Variants in SYN3 observed in about 807,000 individuals in gnomAD.
SYN3 encodes the protein synapsin-3.
In SYN3, 35 loss-of-function variants were observed where a neutral mutation model predicts 65.8. That is an observed-to-expected ratio of 0.53 (90% CI 0.41 to 0.70). The LOEUF is 0.70. Ranked by LOEUF, SYN3 falls within the 30% of genes least tolerant of loss-of-function variation. SYN3 has a pLI of 0.00. For synonymous variants in SYN3, 270 were observed against 292.9 expected (o/e 0.92, Z 0.80); for missense variants, 680 against 749.0 (o/e 0.91, Z 1.08).
At chr22:32,839,212 C>T (rs766833892) in intron 6 of SYN3, among the ~76,000 whole-genome samples, 169 of 151,910 alleles carry the variant, frequency 1.1e-3, no homozygotes, top group Non-Finnish European at 1.5e-4. Flanking sequence ...TATATGCCAC[C>T]GAGCTATGCA....
rs559388927 is a variant in SYN3 at position 33,020,718 on chromosome 22, C to A, written c.-162-13894G>T. On this transcript the variant is annotated intron_variant, in intron 1 of 13. Transcript: ENST00000358763. ...AAGGGACTCTTCAAGTGCAAGCCCCCTCCCAAACCCAGGCTAAGGACTACA... is the reference window on the plus strand; with the variant it reads ...AAGGGACTCTTCAAGTGCAAGCCCCATCCCAAACCCAGGCTAAGGACTACA... Among the ~76,000 whole-genome samples, 11 of 152,282 alleles carry A rather than the reference C, an allele frequency of 7.2e-5. No homozygotes were observed. In the South Asian group the frequency reaches 1.9e-3, roughly 26 times the overall value.
chr22:33,039,475 A>G (rs2053923590), intron 1 of SYN3, among the ~76,000 whole-genome samples: 1 of 150,918 alleles, frequency 6.6e-6, no homozygotes, highest in Admixed American at 6.6e-5. Context: ...TCCTGGGTTC[A>G]AGCGATTCTC....
chr22:32,785,284 C>T (rs1445715596), intron 6 of SYN3, among the ~76,000 whole-genome samples: 4 of 152,116 alleles, frequency 2.6e-5, no homozygotes, highest in South Asian at 2.1e-4. Context: ...AGGGCTCTTT[C>T]CTTCAATTAC....
intron 6 of SYN3, among the ~76,000 whole-genome samples, chr22:32,611,284 GTTTT>G (rs1201383074): frequency 0.049 from 4,584 of 94,454 alleles, 193 homozygotes; most frequent in African/African-American, 0.16. Flanking sequence ...TTTTTTTTTT[GTTTT>G]TTTTTTTTTT....
intron 6 of SYN3, chr22:32,860,461 G>A (rs1437680743): frequency 6.6e-6 from 1 of 152,594 alleles, no homozygotes; most frequent in Non-Finnish European, 1.5e-5. Context: ...TGTTAAATAT[G>A]CCAATAGTTT....
intron 4 of SYN3, among the ~76,000 whole-genome samples, chr22:32,885,089 TGCCACTAA>T (rs2146440410): frequency 6.6e-6 from 1 of 152,186 alleles, no homozygotes; most frequent in South Asian, 2.1e-4. Flanking sequence ...TTCAATTGCC[TGCCACTAA>T]TTTTGAATGG....
intron 3 of SYN3, among the ~76,000 whole-genome samples, chr22:32,934,712 G>A (rs2050725088): frequency 6.6e-6 from 1 of 152,166 alleles, no homozygotes; most frequent in Non-Finnish European, 1.5e-5. Context: ...CTATGTCCAA[G>A]TCCTAACCTC....
chr22:32,978,070 A>G (rs2052260449), intron 3 of SYN3, among the ~76,000 whole-genome samples: 1 of 152,218 alleles, frequency 6.6e-6, no homozygotes, highest in African/African-American at 2.4e-5. Flanking sequence ...TAAAGCTAAC[A>G]CTTCAAAGAA....
chr22:32,900,544 AAG>A (rs71835045), intron 4 of SYN3, among the ~76,000 whole-genome samples: 8,074 of 152,304 alleles, frequency 0.053, 251 homozygotes, highest in Middle Eastern at 0.099. Context: ...TCTATATTTT[AAG>A]AGACATCCTT....
intron 6 of SYN3, among the ~76,000 whole-genome samples, chr22:32,812,801 A>C (rs1420083927): frequency 1.3e-5 from 2 of 152,256 alleles, no homozygotes; most frequent in African/African-American, 4.8e-5. Flanking sequence ...CCCATTGGGC[A>C]GTCACTATCT....
chr22:32,708,366 G>A (rs984488216), intron 6 of SYN3, among the ~76,000 whole-genome samples: 8 of 152,128 alleles, frequency 5.3e-5, no homozygotes, highest in African/African-American at 1.7e-4. Flanking sequence ...CACTCCAGGC[G>A]GCCCATTCCC....
chr22:32,794,320 G>A (rs143284653), intron 6 of SYN3, among the ~76,000 whole-genome samples: 4 of 152,306 alleles, frequency 2.6e-5, no homozygotes, highest in East Asian at 1.9e-4. Flanking sequence ...GTTGACATGA[G>A]TCCTCTAGCC....
intron 6 of SYN3, among the ~76,000 whole-genome samples, chr22:32,701,676 A>G (rs5998590): frequency 0.26 from 40,264 of 152,098 alleles, 5,720 homozygotes; most frequent in Middle Eastern, 0.36. Context: ...TGCAAATTAT[A>G]TACTATAGAA....
At chr22:32,617,577 G>T (rs940274358) in intron 6 of SYN3, among the ~76,000 whole-genome samples, 2 of 151,938 alleles carry the variant, frequency 1.3e-5, no homozygotes, top group Non-Finnish European at 1.5e-5. Flanking sequence ...ATGGGGAAGC[G>T]GGGTGGGACC....
chr22:32,676,141 T>C (rs1468065054), intron 6 of SYN3, among the ~76,000 whole-genome samples: 1 of 152,206 alleles, frequency 6.6e-6, no homozygotes, highest in Non-Finnish European at 1.5e-5. Context: ...CCCCTGCCCT[T>C]GAGCACGCAT....
chr22:32,603,356 CA>C (rs10670581), intron 6 of SYN3, among the ~76,000 whole-genome samples: 7,158 of 125,884 alleles, frequency 0.057, 404 homozygotes, highest in East Asian at 0.27. Flanking sequence ...ACTAAAAATA[CA>C]AAAAAAAAAA....
intron 6 of SYN3, among the ~76,000 whole-genome samples, chr22:32,782,169 A>G (rs535958615): frequency 6.6e-6 from 1 of 152,070 alleles, no homozygotes; most frequent in South Asian, 2.1e-4. Context: ...CCTGGTTTCA[A>G]GCGATTCTCT....
chr22:32,600,615 G>T (rs913793853), intron 6 of SYN3, among the ~76,000 whole-genome samples: 2 of 152,202 alleles, frequency 1.3e-5, no homozygotes, highest in Non-Finnish European at 2.9e-5. Context: ...TTCCCGTGGG[G>T]CATGTTTAGA....
Position 32,715,778 on chromosome 22 carries a change from C to CAAA in SYN3, c.712-119045_712-119043dup, listed in dbSNP as rs765122891. On this transcript the variant is annotated intron_variant, in intron 6 of 13. Transcript: ENST00000358763. ...TGGGTGACAGAGCAAGACTCTGTCT[C>CAAA]AAAAAAAAAAAAAAAAAAAAAAAGT... 1.6e-3 allele frequency among the ~76,000 whole-genome samples: 105 copies of CAAA among 67,510 alleles called. No individual in the cohort carries two copies. In the East Asian group the frequency reaches 0.023, roughly 15 times the overall value. The allele number at this position is 67,510 out of a possible 152,430, so 44.3% of individuals were successfully genotyped here. A position where few individuals can be genotyped will look rare whatever the true frequency, so the allele number is the denominator to read the frequency against.
Sources: gnomAD v4.1 joint callset for allele counts (sites outside exome capture counted in the v4.1 genomes callset) on GRCh38, gnomAD v4.1.1 for gene constraint, MANE v1.5 for transcripts, NCBI Gene and HGNC (gene_info 2026-07-23, HGNC 2026-07-21) for gene names.